FOXJ2: variants seen among roughly 807,000 people sequenced by gnomAD.
The protein encoded by FOXJ2 is forkhead box protein J2.
In FOXJ2, 18 loss-of-function variants were observed where a neutral mutation model predicts 68.4. That is an observed-to-expected ratio of 0.26 (90% CI 0.18 to 0.39). The LOEUF is 0.39. FOXJ2 is among the 10% of genes least tolerant of loss of function. The probability of loss-of-function intolerance (pLI) is 1.00; values close to 1 mark genes in which losing one functional copy is unlikely to be tolerated. For missense variants in FOXJ2, 670 were observed against 726.5 expected (o/e 0.92, Z 0.89); for synonymous variants, 274 against 263.2 (o/e 1.04, Z -0.40).
rs75738442 is a variant in FOXJ2 at position 8,038,377 on chromosome 12, G to C, written c.-14-1442G>C. Among the ~76,000 whole-genome samples, 30 of 152,330 alleles carry C rather than the reference G, an allele frequency of 2.0e-4. 1 individual carries two copies. In the East Asian group the frequency reaches 5.8e-3, roughly 29 times the overall value. On this transcript the variant is annotated intron_variant, in intron 1 of 10. Coordinates refer to ENST00000162391, the MANE Select transcript of FOXJ2 (RefSeq NM_018416.3). The surrounding 1 kb of genome is among the most constrained non-coding windows in gnomAD (Gnocchi z 5.3). ...CTGCTGTTGAGCTTTGGCCTGCAAA[G>C]TGTGTGGATCTGTTGTATTTTATGG...
rs1456696550 is a variant in FOXJ2, at chr12:8,038,580, G to A, written c.-14-1239G>A. ...CGGCTGTGCAGGCACAAACCTGCTAGGCAGCAAGTGCTTAGGGGGTTGCTG... is the reference window on the plus strand; with the variant it reads ...CGGCTGTGCAGGCACAAACCTGCTAAGCAGCAAGTGCTTAGGGGGTTGCTG... On this transcript the variant is annotated intron_variant, in intron 1 of 10. Transcript: ENST00000162391. This position sits in a 1 kb window ranked among gnomAD's most constrained non-coding sequence, Gnocchi z 5.3. Among the ~76,000 whole-genome samples the A allele has an allele frequency of 1.3e-5, 2 of 152,170 alleles. No individual in the cohort carries two copies. Among genetic ancestry groups the A allele is most frequent in the African/African-American group, 4.8e-5 (2 of 41,436 alleles).
Position 8,043,988 on chromosome 12 carries a change from GC to G in FOXJ2, c.518del (p.Pro173HisfsTer29). 6.3e-7 allele frequency: 1 copy of G among 1,576,032 alleles called. No individual in the cohort carries two copies. Among genetic ancestry groups the G allele is most frequent in the South Asian group, 1.2e-5 (1 of 85,210 alleles). ...QDSPEQEASK[S>X]PRGGVAGSGE... The stretch of plus-strand genomic sequence containing the variant: ...TCACCAGAACAGGAGGCAAGCAAGA[GC>G]CCACGGGGAGGCGTTGCAGGGAGTG... On this transcript the variant is annotated frameshift_variant, in exon 5 of 11. Coordinates refer to ENST00000162391, the MANE Select transcript of FOXJ2 (RefSeq NM_018416.3). LOFTEE classifies it high-confidence loss of function.
chr12:8,041,864 C>G (rs1007311052), intron 2 of FOXJ2, among the ~76,000 whole-genome samples: 1 of 151,916 alleles, frequency 6.6e-6, no homozygotes, highest in East Asian at 1.9e-4. Flanking sequence ...ATCCCCAATC[C>G]CACCCAACAC....
chr12:8,038,837 T>C lies in FOXJ2; in HGVS notation c.-14-982T>C, dbSNP rs1246175203. The stretch of plus-strand genomic sequence containing the variant: ...AGTTTGCATGGAGGTGCAGCGAGCG[T>C]GCCTGCCTGGCTGGGAAGGAAGGAG... On this transcript the variant is annotated intron_variant, in intron 1 of 10. Transcript: ENST00000162391. The surrounding 1 kb of genome is among the most constrained non-coding windows in gnomAD (Gnocchi z 5.3). 6.6e-6 allele frequency among the ~76,000 whole-genome samples: 1 copy of C among 151,352 alleles called. No individual in the cohort carries two copies. The highest frequency in any genetic ancestry group is 1.9e-4 in the East Asian group (1 of 5,202).
At chr12:8,051,093 C>T (rs1415462044) in intron 10 of FOXJ2, among the ~76,000 whole-genome samples, 6 of 92,252 alleles carry the variant, frequency 6.5e-5, no homozygotes, top group African/African-American at 2.6e-4. Context: ...CCTTTCCCTT[C>T]CCTTCCCCTT....
At chr12:8,046,730 C>A (rs1207249371) in intron 6 of FOXJ2, among the ~76,000 whole-genome samples, 1 of 152,168 alleles carries the variant, frequency 6.6e-6, no homozygotes, top group Non-Finnish European at 1.5e-5. Context: ...GGCATTAGAC[C>A]TTCTCATTCT....
Position 8,044,802 on chromosome 12 carries a change from T to C in FOXJ2, c.661T>C (p.Ser221Pro). 2 of 1,613,978 alleles carry C rather than the reference T, an allele frequency of 1.2e-6. No individual in the cohort carries two copies. Among genetic ancestry groups the C allele is most frequent in the Non-Finnish European group, 1.7e-6 (2 of 1,179,874 alleles). ...TGGTGGAGCAGTGGCAGCAGGGGCTTCAGGCCGAGAAAGTGCTGAGGGTCC... is the reference window on the plus strand; with the variant it reads ...TGGTGGAGCAGTGGCAGCAGGGGCTCCAGGCCGAGAAAGTGCTGAGGGTCC... ...VDGGAVAAGA[S>P]GRESAEGPPP... Residue 221 changes from serine (S) to proline (P), a missense_variant, in exon 6 of 11, where the codon TCA (serine) becomes CCA (proline). Physicochemically the swap from Ser to Pro is moderately conservative, Grantham distance 74. Coordinates refer to ENST00000162391, the MANE Select transcript of FOXJ2 (RefSeq NM_018416.3).
rs1477543402 is a variant in FOXJ2, at chr12:8,048,208, CCCCACT to C, written c.1150_1155del (p.Ser384_His385del). The C allele has an allele frequency of 1.9e-6, 3 of 1,611,502 alleles. No homozygotes were observed. Among genetic ancestry groups the C allele is most frequent in the Non-Finnish European group, 2.5e-6 (3 of 1,178,612 alleles). On this transcript the variant is annotated inframe_deletion, in exon 7 of 11. Coordinates refer to ENST00000162391, the MANE Select transcript of FOXJ2 (RefSeq NM_018416.3). ...AGGCTACCACCCTCATCAGCACCAT[CCCCACT>C]CCCACCCTGCCCAGCAGCCACCACC...
At chr12:8,039,723 G>A (rs1946939730) in intron 1 of FOXJ2, 96 bp from the exon 2 acceptor site, 2 of 1,070,204 alleles carry the variant, frequency 1.9e-6, no homozygotes, top group Admixed American at 2.3e-5. Flanking sequence ...TGTCTTATGG[G>A]AATGAGAGTA....
chr12:8,041,725 G>C (rs1218249626), intron 2 of FOXJ2, among the ~76,000 whole-genome samples: 1 of 151,748 alleles, frequency 6.6e-6, no homozygotes, highest in Non-Finnish European at 1.5e-5. Flanking sequence ...GCCCAAGCTG[G>C]CCTCAGGCTT....
intron 1 of FOXJ2, among the ~76,000 whole-genome samples, chr12:8,036,056 T>TC (rs1946891385): frequency 6.6e-6 from 1 of 152,202 alleles, no homozygotes; most frequent in Non-Finnish European, 1.5e-5. Flanking sequence ...TTCTCTTTTT[T>TC]CCCCATTTAA....
At position 8,040,100 on chromosome 12, in the gene FOXJ2, A is replaced by G. The variant is rs759823116; in HGVS notation, c.268A>G (p.Ser90Gly). The G allele has an allele frequency of 3.1e-6, 5 of 1,614,072 alleles. No homozygotes were observed. Among genetic ancestry groups the G allele is most frequent in the Non-Finnish European group, 4.2e-6 (5 of 1,180,040 alleles). ...CTCTCCAGCCAAGAAGATGACCCTCAGCGAGATTTACCGCTGGATCTGTGA... is the reference window on the plus strand; with the variant it reads ...CTCTCCAGCCAAGAAGATGACCCTCGGCGAGATTTACCGCTGGATCTGTGA... The part of the protein sequence containing the change: ...NSSPAKKMTL[S>G]EIYRWICDNF... Residue 90 changes from serine to glycine, a missense_variant, in exon 2 of 11, where the codon AGC becomes GGC. By Grantham distance (56) the Ser-to-Gly change is moderately conservative. This residue lies in a region of FOXJ2 where 115 missense variants were observed against 164.3 expected (regional missense o/e 0.70). Coordinates refer to ENST00000162391, the MANE Select transcript of FOXJ2 (RefSeq NM_018416.3). This position sits in a 1 kb window ranked among gnomAD's most constrained non-coding sequence, Gnocchi z 4.0.
chr12:8,039,684 G>A (rs1200310523), intron 1 of FOXJ2, 135 bp from the exon 2 acceptor site: 2 of 722,246 alleles, frequency 2.8e-6, no homozygotes, highest in South Asian at 3.6e-5. Context: ...GGGATTCTGG[G>A]AACACCTGGT....
chr12:8,045,022 A>G lies in FOXJ2; in HGVS notation c.817+64A>G, dbSNP rs1417206550. On this transcript the variant is annotated intron_variant, in intron 6 of 10. Transcript: ENST00000162391. ...TATCTTGTTGAACAAGTGGGGTGACATTTTCTTTTTTCCCTTAGTTTTTTA... is the reference window on the plus strand; with the variant it reads ...TATCTTGTTGAACAAGTGGGGTGACGTTTTCTTTTTTCCCTTAGTTTTTTA... The G allele has an allele frequency of 2.7e-6, 4 of 1,475,078 alleles. No individual in the cohort carries two copies. In the East Asian group the frequency reaches 6.8e-5, roughly 25 times the overall value. The allele number at this position is 1,475,078 out of a possible 1,614,324, so 91.4% of individuals were successfully genotyped here.
intron 1 of FOXJ2, among the ~76,000 whole-genome samples, chr12:8,036,258 A>C (rs1255967001): frequency 6.6e-6 from 1 of 152,186 alleles, no homozygotes; most frequent in Non-Finnish European, 1.5e-5. Context: ...ACACCTTATT[A>C]CCTGACATTG....
intron 2 of FOXJ2, among the ~76,000 whole-genome samples, chr12:8,041,906 T>G (rs1946971138): frequency 6.6e-6 from 1 of 151,782 alleles, no homozygotes; most frequent in African/African-American, 2.4e-5. Flanking sequence ...AGACGGAGTT[T>G]CGCTCTTGTT....
At position 8,033,194 on chromosome 12, in the gene FOXJ2, T is replaced by G. The variant is rs1946857276; in HGVS notation, c.-654T>G. On this transcript the variant is annotated 5_prime_UTR_variant, in exon 1 of 11. Transcript: ENST00000162391. Reference sequence around the variant, plus strand: ...GGGAGCTTTCCGTAGGGAAGCAGAGTGAGACCACCCTAGCGCGCCCCCGCC... The same window carrying G: ...GGGAGCTTTCCGTAGGGAAGCAGAGGGAGACCACCCTAGCGCGCCCCCGCC... The G allele has an allele frequency of 3.8e-6, 1 of 263,224 alleles. No individual in the cohort carries two copies. The highest frequency in any genetic ancestry group is 7.1e-6 in the Non-Finnish European group (1 of 140,482). The allele number at this position is 263,224 out of a possible 1,614,324, so 16.3% of individuals were successfully genotyped here.
chr12:8,043,688 G>A lies in FOXJ2; in HGVS notation c.409-13G>A. 1 of 1,614,046 alleles carries A rather than the reference G, an allele frequency of 6.2e-7. No individual in the cohort carries two copies. The highest frequency in any genetic ancestry group is 8.5e-7 in the Non-Finnish European group (1 of 1,179,946). On this transcript the variant is annotated splice_polypyrimidine_tract_variant and intron_variant, in intron 3 of 10. Transcript: ENST00000162391. ...ACAATTTTGTTTTCTGTGGGAATGG[G>A]ATCTCCTTCCAGGGTTCCTATTGGA... is the stretch of plus-strand genomic sequence containing the variant.
chr12:8,036,501 C>T (rs1946896812), intron 1 of FOXJ2, among the ~76,000 whole-genome samples: 2 of 152,144 alleles, frequency 1.3e-5, no homozygotes, highest in South Asian at 4.1e-4. Context: ...TTTCAGTCTT[C>T]CAGCACACAG....
Sources: allele counts gnomAD v4.1 joint callset (sites outside exome capture counted in the v4.1 genomes callset), GRCh38; gene constraint gnomAD v4.1.1; regional missense constraint gnomAD v4.1.1; non-coding constraint Gnocchi (gnomAD v3.1); transcripts MANE v1.5; gene names NCBI Gene and HGNC (gene_info 2026-07-23, HGNC 2026-07-21).